Variants in ELN observed in about 807,000 individuals in gnomAD.
ELN encodes the protein tropoelastin.
ELN carries 65 observed loss-of-function variants against 105.8 expected under a neutral mutation model. That is an observed-to-expected ratio of 0.61 (90% CI 0.50 to 0.75). The LOEUF is 0.75. Among genes scored for constraint, ELN ranks in the 30% least tolerant of loss-of-function variants. ELN has a pLI of 0.00. For missense variants in ELN, 882 were observed against 969.4 expected (o/e 0.91, Z 1.20); for synonymous variants, 368 against 389.2 (o/e 0.95, Z 0.64).
intron 3 of ELN, among the ~76,000 whole-genome samples, chr7:74,037,354 T>A (rs1790211608): frequency 6.6e-6 from 1 of 151,270 alleles, no homozygotes; most frequent in South Asian, 2.1e-4. Context: ...CCACCACGCC[T>A]GGCTAATTTT....
Position 74,063,758 on chromosome 7 carries a change from C to T in ELN, c.1993+63C>T, listed in dbSNP as rs2132523920. On this transcript the variant is annotated intron_variant, in intron 29 of 32. Transcript: ENST00000252034. The surrounding 1 kb of genome is among the most constrained non-coding windows in gnomAD (Gnocchi z 4.1). Reference sequence around the variant, plus strand: ...TGTGTATGCGAGACAGAGATGGAGACAGAGACAGAGACAGAGACTTTCGTT... The same window carrying T: ...TGTGTATGCGAGACAGAGATGGAGATAGAGACAGAGACAGAGACTTTCGTT... 2.5e-6 allele frequency: 4 copies of T among 1,598,140 alleles called. No individual in the cohort carries two copies. The South Asian group carries it at 3.3e-5, about 13-fold the overall frequency.
At chr7:74,064,496 A>G (rs1471152126) in intron 29 of ELN, among the ~76,000 whole-genome samples, 1 of 150,134 alleles carries the variant, frequency 6.7e-6, no homozygotes, top group Non-Finnish European at 1.5e-5. Flanking sequence ...CACGCCTGTA[A>G]TCCCAGCTAC....
In ELN at chr7:74,056,742, A is replaced by G. The variant is rs1158535722; in HGVS notation, c.1357+29A>G. On this transcript the variant is annotated intron_variant, in intron 21 of 32. Transcript: ENST00000252034. Reference sequence around the variant, plus strand: ...AGTGCCCCTGCCCTGCCTGTCCCCAAGTCCTGCTCTCCCGCGGGGCTCAGG... The same window carrying G: ...AGTGCCCCTGCCCTGCCTGTCCCCAGGTCCTGCTCTCCCGCGGGGCTCAGG... The G allele has an allele frequency of 2.5e-6, 4 of 1,613,430 alleles. No homozygotes were observed. In the East Asian group the frequency reaches 6.7e-5, roughly 27 times the overall value.
chr7:74,041,188 C>A (rs1554668193), intron 4 of ELN, 28 bp from the exon 5 acceptor site: 1 of 1,613,962 alleles, frequency 6.2e-7, no homozygotes, highest in African/African-American at 1.3e-5. Flanking sequence ...ACACTGCCTA[C>A]ACTCCTGTCT....
rs2856729 is a variant in ELN, at chr7:74,042,318, C to G, written c.233-296C>G. ...TGGCATGCACCTGTAGTTCCACCTACTTGGAAGGCTGAGGCGGGAGGATTG... is the reference window on the plus strand; with the variant it reads ...TGGCATGCACCTGTAGTTCCACCTAGTTGGAAGGCTGAGGCGGGAGGATTG... On this transcript the variant is annotated intron_variant, in intron 5 of 32. Coordinates refer to ENST00000252034, the MANE Select transcript of ELN (RefSeq NM_000501.4). Among the ~76,000 whole-genome samples, 4,000 of 151,892 alleles carry G rather than the reference C, an allele frequency of 0.026. 68 individuals are homozygous for G. The highest frequency in any genetic ancestry group is 0.041 in the Middle Eastern group (12 of 294).
chr7:74,061,161 T>A (rs199552576), intron 26 of ELN, 22 bp downstream of exon 26: 1 of 1,613,998 alleles, frequency 6.2e-7, no homozygotes, highest in Admixed American at 1.7e-5. Flanking sequence ...CCACAACCAC[T>A]TGTGGCTCCC....
intron 3 of ELN, 130 bp from the exon 4 acceptor site, chr7:74,037,577 C>G: frequency 7.2e-7 from 1 of 1,386,556 alleles, no homozygotes; most frequent in Non-Finnish European, 1.0e-6. Flanking sequence ...CCCAGGGGCT[C>G]CAAGTCTGAG....
At position 74,068,962 on chromosome 7, in the gene ELN, TC is replaced by T; in HGVS notation, c.*267del. On this transcript the variant is annotated 3_prime_UTR_variant, in exon 33 of 33. Transcript: ENST00000252034. The stretch of plus-strand genomic sequence containing the variant: ...ACCCCATCCCTTCCCACCTAGGAGC[TC>T]CCCCTCCACACAGCCTCCATCTCCA... The T allele has an allele frequency of 1.8e-6, 1 of 541,728 alleles. No individual in the cohort carries two copies. Among genetic ancestry groups the T allele is most frequent in the Non-Finnish European group, 3.3e-6 (1 of 298,856 alleles). 33.6% of individuals were successfully genotyped at this position (541,728 alleles called of 1,614,324 possible). A position where few individuals can be genotyped will look rare whatever the true frequency, so the allele number is the denominator to read the frequency against.
chr7:74,037,909 G>T (rs1170223532), intron 4 of ELN, 170 bp downstream of exon 4: 2 of 972,466 alleles, frequency 2.1e-6, no homozygotes, highest in East Asian at 5.4e-5. Context: ...TGAGTAGGCC[G>T]GGGCCAGGTC....
chr7:74,046,025 A>G (rs1363314050), intron 10 of ELN, 163 bp from the exon 11 acceptor site: 23 of 944,710 alleles, frequency 2.4e-5, no homozygotes, highest in Non-Finnish European at 3.6e-5. Flanking sequence ...ACAAGAGCGA[A>G]ACTCCATCTC....
chr7:74,059,938 C>G lies in ELN; in HGVS notation c.1467C>G (p.Val489=). 1 of 1,592,972 alleles carries G rather than the reference C, an allele frequency of 6.3e-7. No individual in the cohort carries two copies. The highest frequency in any genetic ancestry group is 2.2e-5 in the East Asian group (1 of 44,704). The change falls in exon 23 of 33, where the codon GTC becomes GTG. Residue 489 remains valine, a synonymous_variant. Coordinates refer to ENST00000252034, the MANE Select transcript of ELN (RefSeq NM_000501.4). ...CTGGAGTTGGCGTGGCTCCTGGTGT[C>G]GGTGTGGCTCCTGGAGTTGGCTTGG... is the stretch of plus-strand genomic sequence containing the variant. ...VAPGVGVAPG[V]GVAPGVGLAP... is the part of the protein sequence containing the mutation.
intron 19 of ELN, among the ~76,000 whole-genome samples, chr7:74,055,487 T>C (rs1421256029): frequency 6.6e-6 from 1 of 152,004 alleles, no homozygotes; most frequent in Non-Finnish European, 1.5e-5. Context: ...TTTTTCTTTT[T>C]CTTTTTTTCT....
At chr7:74,031,154 G>A (rs1788565461) in intron 1 of ELN, among the ~76,000 whole-genome samples, 1 of 152,202 alleles carries the variant, frequency 6.6e-6, no homozygotes, top group Non-Finnish European at 1.5e-5. Flanking sequence ...TGGAGCCCAG[G>A]GCCCAGGCAA....
Position 74,060,182 on chromosome 7 carries a change from T to C in ELN, c.1619T>C (p.Leu540Pro). ...GCCAAGGTGGCTGCCAAAGCCCAGC[T>C]CCGTGAGTGCCTCGCCCACCTTTCT... ...SAAKVAAKAQ[L>P]RAAAGLGAGI... Residue 540 changes from leucine (L) to proline (P), a missense_variant and splice_region_variant, in exon 24 of 33, where the codon CTC (leucine) becomes CCC (proline). Physicochemically the swap from Leu to Pro is moderately conservative, Grantham distance 98 (BLOSUM62 -3). Coordinates refer to ENST00000252034, the MANE Select transcript of ELN (RefSeq NM_000501.4). 1 of 1,614,058 alleles carries C rather than the reference T, an allele frequency of 6.2e-7. No homozygotes were observed. Among genetic ancestry groups the C allele is most frequent in the Non-Finnish European group, 8.5e-7 (1 of 1,180,036 alleles).
rs377353160 is a variant in ELN, at chr7:74,068,723, C to T, written c.*23C>T. On this transcript the variant is annotated 3_prime_UTR_variant, in exon 33 of 33. Transcript: ENST00000252034. ...TGAGCTTCCTAGGACCCCTGACTCA[C>T]GACCTCATCAACGTTGGTGCTACTG... The T allele has an allele frequency of 5.0e-5, 80 of 1,613,732 alleles. No homozygotes were observed. The highest frequency in any genetic ancestry group is 1.1e-4 in the East Asian group (5 of 44,872).
chr7:74,052,875 G>A (rs189272474), intron 17 of ELN: 13 of 450,876 alleles, frequency 2.9e-5, no homozygotes, highest in East Asian at 8.2e-5. Context: ...GAAAGAAAGA[G>A]AGAGAGAGAG....
At chr7:74,036,511 C>T (rs1411202673) in intron 2 of ELN, 44 bp from the exon 3 acceptor site, 3 of 1,612,672 alleles carry the variant, frequency 1.9e-6, no homozygotes, top group Non-Finnish European at 2.5e-6. Flanking sequence ...GCTTGCCTGG[C>T]AGAAGTACCG....
chr7:74,067,991 ACT>A (rs1394287203), intron 32 of ELN, among the ~76,000 whole-genome samples: 1 of 139,826 alleles, frequency 7.2e-6, no homozygotes, highest in Non-Finnish European at 1.5e-5. Flanking sequence ...TTCCTGCCCC[ACT>A]CTCTGCTCAC....
intron 13 of ELN, 36 bp from the exon 14 acceptor site, chr7:74,048,106 C>T (rs1357396732): frequency 6.2e-7 from 1 of 1,613,620 alleles, no homozygotes; most frequent in African/African-American, 1.3e-5. Context: ...GTGGTGATGT[C>T]TGCACAGATG....
Sources: gnomAD v4.1 joint callset for allele counts (sites outside exome capture counted in the v4.1 genomes callset) on GRCh38, gnomAD v4.1.1 for gene constraint, Gnocchi (gnomAD v3.1) non-coding constraint, MANE v1.5 for transcripts, NCBI Gene and HGNC (gene_info 2026-07-23, HGNC 2026-07-21) for gene names.